The following COL26A1 variants were observed in gnomAD, a reference collection of about 807,000 sequenced individuals.
COL26A1 encodes collagen type XXVI alpha 1 chain, also known as collagen alpha-1(XXVI) chain.
In COL26A1, 41 loss-of-function variants were observed where a neutral mutation model predicts 59.3. The observed-to-expected ratio is 0.69, with a 90% CI of 0.54 to 0.90. COL26A1 has a LOEUF of 0.90. COL26A1 is among the 40% of genes least tolerant of loss of function. COL26A1 has a pLI of 0.00. For missense variants in COL26A1, 612 were observed against 602.3 expected (o/e 1.02, Z -0.17); for synonymous variants, 266 against 256.0 (o/e 1.04, Z -0.37).
At chr7:101,410,829 C>G (rs1792226128) in intron 1 of COL26A1, among the ~76,000 whole-genome samples, 1 of 152,154 alleles carries the variant, frequency 6.6e-6, no homozygotes, top group Non-Finnish European at 1.5e-5. Context: ...TTCCAGAGTG[C>G]TAGGATTTCA....
At chr7:101,508,152 AAC>A (rs910752925) in intron 3 of COL26A1, among the ~76,000 whole-genome samples, 10 of 152,234 alleles carry the variant, frequency 6.6e-5, no homozygotes, top group African/African-American at 1.4e-4. Flanking sequence ...AGGCTCTCCA[AAC>A]ACACTGGAGC....
chr7:101,472,030 G>C (rs1157377827), intron 3 of COL26A1, among the ~76,000 whole-genome samples: 1 of 151,614 alleles, frequency 6.6e-6, no homozygotes, highest in East Asian at 2.0e-4. Flanking sequence ...TTTGAGACAG[G>C]ATCTTACTTT....
chr7:101,439,990 C>G (rs1463170930), intron 2 of COL26A1, among the ~76,000 whole-genome samples: 1 of 152,058 alleles, frequency 6.6e-6, no homozygotes, highest in Non-Finnish European at 1.5e-5. Flanking sequence ...TGAGTGCGGC[C>G]TTAAGGCTGA....
At chr7:101,533,792 G>GC (rs113400758) in intron 4 of COL26A1, among the ~76,000 whole-genome samples, 18,622 of 152,166 alleles carry the variant, frequency 0.12, 1,496 homozygotes, top group African/African-American at 0.22. Flanking sequence ...TTCAGGGGCA[G>GC]CCACCTTAGG....
intron 1 of COL26A1, among the ~76,000 whole-genome samples, chr7:101,383,823 C>T (rs945675290): frequency 3.9e-5 from 6 of 152,160 alleles, no homozygotes; most frequent in Non-Finnish European, 8.8e-5. Flanking sequence ...GCATGAGCCA[C>T]AGCGCCCTGC....
intron 3 of COL26A1, among the ~76,000 whole-genome samples, chr7:101,517,969 C>T (rs1795066173): frequency 6.6e-6 from 1 of 151,796 alleles, no homozygotes; most frequent in Non-Finnish European, 1.5e-5. Flanking sequence ...ATGCACCACC[C>T]AGGCCTAGCT....
At chr7:101,555,742 C>A in intron 11 of COL26A1, 45 bp from the exon 12 acceptor site, 1 of 1,500,794 alleles carries the variant, frequency 6.7e-7, no homozygotes, top group Non-Finnish European at 9.1e-7. Flanking sequence ...GCCCTGACCC[C>A]TTCCTCATGG....
chr7:101,490,708 A>T (rs1268628419), intron 3 of COL26A1, among the ~76,000 whole-genome samples: 1 of 151,076 alleles, frequency 6.6e-6, no homozygotes, highest in African/African-American at 2.4e-5. Context: ...CTCAAAAAAA[A>T]AGGTCGGGCA....
At chr7:101,454,036 A>G (rs1039574446) in intron 3 of COL26A1, among the ~76,000 whole-genome samples, 5 of 152,052 alleles carry the variant, frequency 3.3e-5, no homozygotes, top group Admixed American at 2.6e-4. Context: ...TGAATTGCAC[A>G]TTTCGTGTTT....
intron 3 of COL26A1, among the ~76,000 whole-genome samples, chr7:101,518,624 G>A (rs534511405): frequency 7.2e-5 from 11 of 152,274 alleles, no homozygotes; most frequent in Non-Finnish European, 1.3e-4. Flanking sequence ...AGGAAGAAAG[G>A]GTTAGAGCAC....
intron 2 of COL26A1, among the ~76,000 whole-genome samples, chr7:101,446,088 C>T (rs1292313387): frequency 2.8e-5 from 4 of 142,982 alleles, no homozygotes; most frequent in Non-Finnish European, 4.6e-5. Context: ...ATGGGGGAGG[C>T]GCCACACCAT....
chr7:101,519,337 G>A (rs935838721), intron 3 of COL26A1, among the ~76,000 whole-genome samples: 1 of 152,176 alleles, frequency 6.6e-6, no homozygotes, highest in East Asian at 1.9e-4. Flanking sequence ...TAGAGACAGG[G>A]TCTCGCTCTG....
chr7:101,480,740 C>T (rs374861738), intron 3 of COL26A1, among the ~76,000 whole-genome samples: 1 of 152,070 alleles, frequency 6.6e-6, no homozygotes, highest in Non-Finnish European at 1.5e-5. Flanking sequence ...TGGGCTCAAG[C>T]GATCCTCCCG....
At chr7:101,429,903 A>T (rs920196347) in intron 2 of COL26A1, among the ~76,000 whole-genome samples, 7 of 151,988 alleles carry the variant, frequency 4.6e-5, no homozygotes. Flanking sequence ...TGGCCTCCAG[A>T]ATTGTTTTAG....
chr7:101,550,947 A>G (rs924137617), intron 9 of COL26A1, among the ~76,000 whole-genome samples, 161 bp from the exon 10 acceptor site: 2 of 152,154 alleles, frequency 1.3e-5, no homozygotes, highest in Non-Finnish European at 2.9e-5. Flanking sequence ...CCAGGACTGG[A>G]GGCCTTTGAG....
chr7:101,443,822 G>A (rs944595197), intron 2 of COL26A1, among the ~76,000 whole-genome samples: 1 of 150,428 alleles, frequency 6.6e-6, no homozygotes, highest in Admixed American at 6.6e-5. Context: ...TTTAATTCCT[G>A]CAAGAGTCCC....
chr7:101,420,956 C>T (rs2130280620), intron 2 of COL26A1, among the ~76,000 whole-genome samples: 1 of 152,232 alleles, frequency 6.6e-6, no homozygotes, highest in Middle Eastern at 3.4e-3. Context: ...CTTCCCCAAA[C>T]CACTCTCCCC....
chr7:101,474,018 G>A (rs1662812443), intron 3 of COL26A1, among the ~76,000 whole-genome samples: 1 of 152,172 alleles, frequency 6.6e-6, no homozygotes. Flanking sequence ...GGTGCATGGT[G>A]GGCACCCATG....
chr7:101,480,010 T>G (rs1794122921), intron 3 of COL26A1, among the ~76,000 whole-genome samples: 1 of 152,134 alleles, frequency 6.6e-6, no homozygotes, highest in African/African-American at 2.4e-5. Flanking sequence ...TTTTTAAGAG[T>G]CAGGGTCTCA....
Sources: allele counts gnomAD v4.1 joint callset (sites outside exome capture counted in the v4.1 genomes callset), GRCh38; gene constraint gnomAD v4.1.1; transcripts MANE v1.5; gene names NCBI Gene and HGNC (gene_info 2026-07-23, HGNC 2026-07-21).